Variants in TRMT11 observed in about 807,000 individuals in gnomAD.
TRMT11 encodes tRNA (guanine(10)-N(2))-methyltransferase TRMT11.
Under a neutral mutation model 62.8 loss-of-function variants are expected in TRMT11, and 53 were observed. The observed-to-expected ratio is 0.84, with a 90% CI of 0.68 to 1.06. The LOEUF is 1.06. Ranked by LOEUF, TRMT11 falls within the 50% of genes least tolerant of loss-of-function variation. TRMT11 has a pLI of 0.00. For missense variants in TRMT11, 556 were observed against 553.4 expected, an observed-to-expected ratio of 1.00 and a Z score of -0.05; for synonymous variants, 188 against 190.3, an observed-to-expected ratio of 0.99 and a Z score of 0.10.
At chr6:126,023,169 A>G (rs1275190285) in intron 12 of TRMT11, among the ~76,000 whole-genome samples, 5 of 152,272 alleles carry the variant, frequency 3.3e-5, no homozygotes, top group East Asian at 3.8e-4. Flanking sequence ...CCATTAAACC[A>G]TTAAACATTA....
Position 126,013,221 on chromosome 6 carries a change from CTTTG to C in TRMT11, c.1139+125_1139+128del, listed in dbSNP as rs376722903. 3.3e-4 allele frequency: 289 copies of C among 873,202 alleles called. 1 individual carries two copies. In the African/African-American group the frequency reaches 4.6e-3, roughly 14 times the overall value. The allele number at this position is 873,202 out of a possible 1,614,324, so 54.1% of individuals were successfully genotyped here. On this transcript the variant is annotated intron_variant, in intron 11 of 12. Coordinates refer to ENST00000334379, the MANE Select transcript of TRMT11 (RefSeq NM_001031712.3). ...ATCTTTATATTTAATTTGTAATAGC[CTTTG>C]TTTGCCTTCAAATGTGTATAAAATA... is the stretch of plus-strand genomic sequence containing the variant.
At chr6:125,995,305 G>T (rs1268415827) in intron 2 of TRMT11, among the ~76,000 whole-genome samples, 8 of 152,126 alleles carry the variant, frequency 5.3e-5, no homozygotes, top group African/African-American at 1.9e-4. Context: ...TTGGCTAAGG[G>T]TGATGAAATG....
At chr6:126,269,210 G>A in the TRMT11 span, among the ~76,000 whole-genome samples, 2 of 139,632 alleles carry the variant, frequency 1.4e-5, no homozygotes, top group South Asian at 4.4e-4. Context: ...CTTGCAGTGA[G>A]CCGAGATCCC....
intron 21 of TRMT11, among the ~76,000 whole-genome samples, chr6:126,157,751 A>G (rs1778137672): frequency 6.6e-6 from 1 of 152,234 alleles, no homozygotes; most frequent in Non-Finnish European, 1.5e-5. Flanking sequence ...TTGGATTTCT[A>G]TTAATGACTG....
chr6:126,130,718 A>G (rs1777772159), intron 21 of TRMT11, among the ~76,000 whole-genome samples: 1 of 152,034 alleles, frequency 6.6e-6, no homozygotes, highest in Non-Finnish European at 1.5e-5. Context: ...ATTTACCACA[A>G]CCTCCCAGCA....
At chr6:126,151,726 C>T (rs1778041381) in intron 21 of TRMT11, among the ~76,000 whole-genome samples, 1 of 151,390 alleles carries the variant, frequency 6.6e-6, no homozygotes, top group South Asian at 2.1e-4. Context: ...CTCCTTCCCT[C>T]CCTCCCTTCC....
the TRMT11 span, among the ~76,000 whole-genome samples, chr6:126,225,980 C>G: frequency 6.6e-6 from 1 of 152,104 alleles, no homozygotes; most frequent in African/African-American, 2.4e-5. Flanking sequence ...GCGTGAGTAC[C>G]GCGCCTGGCC....
chr6:126,155,898 T>A (rs562300518), intron 21 of TRMT11, among the ~76,000 whole-genome samples: 87 of 152,044 alleles, frequency 5.7e-4, no homozygotes, highest in South Asian at 3.8e-3. Context: ...TTTTTTTTTT[T>A]AATATTTTTA....
At chr6:126,074,053 C>G (rs1327285047) in intron 17 of TRMT11, among the ~76,000 whole-genome samples, 1 of 152,176 alleles carries the variant, frequency 6.6e-6, no homozygotes, top group Non-Finnish European at 1.5e-5. Flanking sequence ...CAGGTCCCTC[C>G]CATGACACGT....
chr6:125,998,486 A>C (rs1481109507), intron 5 of TRMT11, 64 bp from the exon 6 acceptor site: 11 of 1,513,414 alleles, frequency 7.3e-6, no homozygotes, highest in Non-Finnish European at 9.9e-6. Flanking sequence ...TAATGTTATT[A>C]GATAAGCGCC....
intron 1 of TRMT11, among the ~76,000 whole-genome samples, chr6:126,193,678 A>G (rs1778631879): frequency 6.6e-6 from 1 of 151,632 alleles, no homozygotes; most frequent in South Asian, 2.1e-4. Flanking sequence ...ATTTTTTAGT[A>G]GAGACGGGGT....
chr6:126,155,878 G>A (rs1778114067), intron 21 of TRMT11, among the ~76,000 whole-genome samples: 1 of 151,940 alleles, frequency 6.6e-6, no homozygotes, highest in South Asian at 2.1e-4. Context: ...CCGCCACCAT[G>A]CCCGGGTAAT....
intron 1 of TRMT11, among the ~76,000 whole-genome samples, chr6:125,988,049 A>G (rs190071076): frequency 1.2e-4 from 19 of 152,304 alleles, no homozygotes; most frequent in Admixed American, 5.2e-4. Context: ...ATATTAAGGG[A>G]AAGTCGGAGG....
intron 17 of TRMT11, among the ~76,000 whole-genome samples, chr6:126,091,595 C>G (rs1777278398): frequency 6.6e-6 from 1 of 152,038 alleles, no homozygotes; most frequent in Non-Finnish European, 1.5e-5. Flanking sequence ...TAAATTTGTC[C>G]AAAGTTTCTC....
chr6:126,096,710 C>T (rs1176606722), intron 17 of TRMT11, among the ~76,000 whole-genome samples: 1 of 152,080 alleles, frequency 6.6e-6, no homozygotes, highest in Non-Finnish European at 1.5e-5. Flanking sequence ...TGATCCTGTA[C>T]CTGTAGTAGA....
At chr6:126,110,650 G>T (rs767712623) in intron 17 of TRMT11, among the ~76,000 whole-genome samples, 8 of 152,114 alleles carry the variant, frequency 5.3e-5, no homozygotes, top group Non-Finnish European at 8.8e-5. Flanking sequence ...GCTTCCTATG[G>T]TAACAGAAAC....
chr6:126,085,602 C>A (rs1006571201), intron 17 of TRMT11, among the ~76,000 whole-genome samples: 5 of 152,152 alleles, frequency 3.3e-5, no homozygotes, highest in African/African-American at 1.2e-4. Flanking sequence ...CAGTAAGCTG[C>A]AATAGGCAAA....
At chr6:126,271,870 G>A in the TRMT11 span, among the ~76,000 whole-genome samples, 1 of 152,054 alleles carries the variant, frequency 6.6e-6, no homozygotes, top group Admixed American at 6.6e-5. Flanking sequence ...ATTTACCTGT[G>A]GACACTAATA....
At chr6:126,092,714 TGG>T (rs1241787510) in intron 17 of TRMT11, among the ~76,000 whole-genome samples, 1 of 152,228 alleles carries the variant, frequency 6.6e-6, no homozygotes, top group African/African-American at 2.4e-5. Flanking sequence ...TTATGATATT[TGG>T]AATCCATGGC....
Sources: allele counts gnomAD v4.1 joint callset (sites outside exome capture counted in the v4.1 genomes callset), GRCh38; gene constraint gnomAD v4.1.1; transcripts MANE v1.5; gene names NCBI Gene and HGNC (gene_info 2026-07-23, HGNC 2026-07-21).